Variants in ATF6B observed in about 807,000 individuals in gnomAD.
ATF6B encodes the protein cyclic AMP-dependent transcription factor ATF-6 beta.
In ATF6B, 50 loss-of-function variants were observed where a neutral mutation model predicts 83.5. That is an observed-to-expected ratio of 0.60 (90% confidence interval 0.48 to 0.76). The LOEUF (loss-of-function observed/expected upper bound fraction) is 0.76, where lower values mean the gene tolerates loss of function less well. Ranked by LOEUF, ATF6B falls within the 30% of genes least tolerant of loss-of-function variation. The probability of loss-of-function intolerance (pLI) is 0.00; values close to 1 mark genes in which losing one functional copy is unlikely to be tolerated. For synonymous variants in ATF6B, 344 were observed against 362.8 expected (o/e 0.95, Z 0.59); for missense variants, 790 against 893.8 (o/e 0.88, Z 1.48).
rs1392801817 is a variant in ATF6B, at chr6:32,117,153, G to A, written c.1615-46C>T. 6.2e-7 allele frequency: 1 copy of A among 1,600,262 alleles called. No homozygotes were observed. Among genetic ancestry groups the A allele is most frequent in the Non-Finnish European group, 8.6e-7 (1 of 1,168,212 alleles). On this transcript the variant is annotated intron_variant, in intron 14 of 17. Transcript: ENST00000375203. The surrounding 1 kb of genome is among the most constrained non-coding windows in gnomAD (Gnocchi z 5.0). ...GGACTTGGAGAGGGTGAAGGGAAAA[G>A]GGAAAGAGACAAACAGCCCCTGGAA...
chr6:32,125,976 G>T lies in ATF6B; in HGVS notation c.478+141C>A. ...TCCTCTCCTTCCTGCCTTCCCTCCT[G>T]GTTTTCTGCCATTTCCCCTCCCCAC... On this transcript the variant is annotated intron_variant, in intron 5 of 17. Transcript: ENST00000375203. This position sits in a 1 kb window ranked among gnomAD's most constrained non-coding sequence, Gnocchi z 4.1. 2 of 1,265,644 alleles carry T rather than the reference G, an allele frequency of 1.6e-6. No homozygotes were observed. The highest frequency in any genetic ancestry group is 2.2e-6 in the Non-Finnish European group (2 of 918,956). The allele number at this position is 1,265,644 out of a possible 1,614,324, so 78.4% of individuals were successfully genotyped here.
chr6:32,121,208 A>G (rs1342980076), intron 6 of ATF6B, 55 bp downstream of exon 6: 1 of 1,610,106 alleles, frequency 6.2e-7, no homozygotes, highest in African/African-American at 1.3e-5. Context: ...TCATACCTCT[A>G]GGTCAGGAGG....
chr6:32,122,600 G>A (rs1329194222), intron 5 of ATF6B, among the ~76,000 whole-genome samples: 2 of 151,978 alleles, frequency 1.3e-5, no homozygotes, highest in African/African-American at 4.8e-5. Flanking sequence ...TGTAATCCCA[G>A]CACTTTGGGA....
At position 32,117,155 on chromosome 6, in the gene ATF6B, G is replaced by GAA. The variant is rs761451368; in HGVS notation, c.1615-50_1615-49dup. The GAA allele has an allele frequency of 8.8e-6, 14 of 1,598,956 alleles. No homozygotes were observed. The African/African-American group carries it at 1.9e-4, about 21-fold the overall frequency. ...ACTTGGAGAGGGTGAAGGGAAAAGG[G>GAA]AAAGAGACAAACAGCCCCTGGAAGC... is the stretch of plus-strand genomic sequence containing the variant. On this transcript the variant is annotated intron_variant, in intron 14 of 17. Transcript: ENST00000375203. This position sits in a 1 kb window ranked among gnomAD's most constrained non-coding sequence, Gnocchi z 5.0.
In ATF6B at chr6:32,127,087, G is replaced by A; in HGVS notation, c.342+16C>T. The A allele has an allele frequency of 1.9e-6, 3 of 1,566,228 alleles. No individual in the cohort carries two copies. The highest frequency in any genetic ancestry group is 1.3e-5 in the African/African-American group (1 of 74,076). ...AGTCCCCGTCACAGAGAGTAAGAGGGATATGGCTCTCTCACCTCGCTGGAT... is the reference window on the plus strand; with the variant it reads ...AGTCCCCGTCACAGAGAGTAAGAGGAATATGGCTCTCTCACCTCGCTGGAT... On this transcript the variant is annotated intron_variant, in intron 4 of 17. Transcript: ENST00000375203.
rs772391185 is a variant in ATF6B, at chr6:32,116,662, G to A, written c.1797+42C>T. 5 of 1,608,906 alleles carry A rather than the reference G, an allele frequency of 3.1e-6. No homozygotes were observed. Among genetic ancestry groups the A allele is most frequent in the Admixed American group, 1.7e-5 (1 of 60,002 alleles). On this transcript the variant is annotated intron_variant, in intron 16 of 17. Coordinates refer to ENST00000375203, the MANE Select transcript of ATF6B (RefSeq NM_004381.5). The surrounding 1 kb of genome is among the most constrained non-coding windows in gnomAD (Gnocchi z 5.1). ...TCCCCCCACTGAAGACAGACTGCTG[G>A]GAACCTGGGGTGACAGAGATGGAAG... is the stretch of plus-strand genomic sequence containing the variant.
rs1781953108 is a variant in ATF6B at position 32,125,921 on chromosome 6, A to T, written c.478+196T>A. ...GAAAAATAATATCCATCTCCTCAGC[A>T]CTGCCCTTGCTGTGGTTCCCTGAAA... On this transcript the variant is annotated intron_variant, in intron 5 of 17. Transcript: ENST00000375203. This position sits in a 1 kb window ranked among gnomAD's most constrained non-coding sequence, Gnocchi z 4.1. The T allele has an allele frequency of 3.0e-6, 2 of 668,888 alleles. No homozygotes were observed. Among genetic ancestry groups the T allele is most frequent in the Non-Finnish European group, 4.9e-6 (2 of 404,986 alleles). 41.4% of individuals were successfully genotyped at this position (668,888 alleles called of 1,614,324 possible). A position where few individuals can be genotyped will look rare whatever the true frequency, so the allele number is the denominator to read the frequency against.
Position 32,117,237 on chromosome 6 carries a change from C to T in ATF6B, c.1614+86G>A. The T allele has an allele frequency of 6.4e-7, 1 of 1,550,878 alleles. No homozygotes were observed. Among genetic ancestry groups the T allele is most frequent in the Middle Eastern group, 1.7e-4 (1 of 5,824 alleles). The stretch of plus-strand genomic sequence containing the variant: ...CTTCAAACGATCCCTCAAACTTCCA[C>T]AGCGAGATGCCCACTAGAAATCCCC... On this transcript the variant is annotated intron_variant, in intron 14 of 17. Transcript: ENST00000375203. This position sits in a 1 kb window ranked among gnomAD's most constrained non-coding sequence, Gnocchi z 5.0.
In ATF6B at chr6:32,117,556, G is replaced by A; in HGVS notation, c.1532+31C>T. 6.2e-7 allele frequency: 1 copy of A among 1,607,874 alleles called. No individual in the cohort carries two copies. The highest frequency in any genetic ancestry group is 8.5e-7 in the Non-Finnish European group (1 of 1,175,434). On this transcript the variant is annotated intron_variant, in intron 13 of 17. Coordinates refer to ENST00000375203, the MANE Select transcript of ATF6B (RefSeq NM_004381.5). The surrounding 1 kb of genome is among the most constrained non-coding windows in gnomAD (Gnocchi z 5.0). ...TGCAGAAGGCCTTGGGAGGCCGGGG[G>A]AGCTGGATGCCCCAGCAATGAATCC...
At chr6:32,126,391 G>T in intron 4 of ATF6B, 139 bp from the exon 5 acceptor site, 1 of 1,021,954 alleles carries the variant, frequency 9.8e-7, no homozygotes, top group Non-Finnish European at 1.4e-6. Flanking sequence ...TGGTCTGAAT[G>T]GTACTGACCA....
intron 7 of ATF6B, 39 bp downstream of exon 7, chr6:32,120,950 C>T: frequency 6.6e-7 from 1 of 1,520,000 alleles, no homozygotes; most frequent in East Asian, 2.3e-5. Context: ...GACCAAAGGC[C>T]TCTCACTAGG....
Position 32,115,987 on chromosome 6 carries a change from T to G in ATF6B, c.1883-19A>C, listed in dbSNP as rs769868758. 1.3e-6 allele frequency: 2 copies of G among 1,596,002 alleles called. No homozygotes were observed. Among genetic ancestry groups the G allele is most frequent in the Non-Finnish European group, 1.7e-6 (2 of 1,166,292 alleles). On this transcript the variant is annotated intron_variant, in intron 17 of 17. Transcript: ENST00000375203. ...AGGGTCTCTGTGAGAAGGGGAGAGTTAAGGAAGAGGAGATGGGGAGGCAAA... is the reference window on the plus strand; with the variant it reads ...AGGGTCTCTGTGAGAAGGGGAGAGTGAAGGAAGAGGAGATGGGGAGGCAAA...
chr6:32,123,599 C>T (rs971652291), intron 5 of ATF6B, among the ~76,000 whole-genome samples: 17 of 152,162 alleles, frequency 1.1e-4, no homozygotes, highest in African/African-American at 3.9e-4. Flanking sequence ...TGTGTTAGCC[C>T]GAATGGTCTT....
In ATF6B at chr6:32,117,715, G is replaced by T; in HGVS notation, c.1425-21C>A. Reference sequence around the variant, plus strand: ...GGTTGCTGGAGTGAAGCAGGAAGGAGACAACACTTGGAGACTGCCCAGCAC... The same window carrying T: ...GGTTGCTGGAGTGAAGCAGGAAGGATACAACACTTGGAGACTGCCCAGCAC... On this transcript the variant is annotated intron_variant, in intron 12 of 17. Coordinates refer to ENST00000375203, the MANE Select transcript of ATF6B (RefSeq NM_004381.5). This position sits in a 1 kb window ranked among gnomAD's most constrained non-coding sequence, Gnocchi z 5.0. The T allele has an allele frequency of 1.1e-5, 17 of 1,610,374 alleles. No individual in the cohort carries two copies. The highest frequency in any genetic ancestry group is 1.4e-5 in the Non-Finnish European group (17 of 1,177,662).
chr6:32,121,707 A>C (rs1781775348), intron 5 of ATF6B, among the ~76,000 whole-genome samples: 1 of 152,180 alleles, frequency 6.6e-6, no homozygotes. Flanking sequence ...ATCTCAAAAA[A>C]ATAAAAAAGA....
Position 32,119,191 on chromosome 6 carries a change from A to G in ATF6B, c.967-50T>C, listed in dbSNP as rs779288120. On this transcript the variant is annotated intron_variant, in intron 9 of 17. Transcript: ENST00000375203. The surrounding 1 kb of genome is among the most constrained non-coding windows in gnomAD (Gnocchi z 4.9). ...GAATGACAGATGAGTTGGCAGAAGG[A>G]GACTATGCTCTCAAACCCCAAGGAA... 1 of 1,553,098 alleles carries G rather than the reference A, an allele frequency of 6.4e-7. No homozygotes were observed. The highest frequency in any genetic ancestry group is 8.7e-7 in the Non-Finnish European group (1 of 1,153,528).
chr6:32,115,521 C>T lies in ATF6B; in HGVS notation c.*218G>A. 1 of 451,622 alleles carries T rather than the reference C, an allele frequency of 2.2e-6. No homozygotes were observed. The highest frequency in any genetic ancestry group is 3.3e-5 in the East Asian group (1 of 29,900). 28.0% of individuals were successfully genotyped at this position (451,622 alleles called of 1,614,324 possible). On this transcript the variant is annotated 3_prime_UTR_variant, in exon 18 of 18. Coordinates refer to ENST00000375203, the MANE Select transcript of ATF6B (RefSeq NM_004381.5). ...CACACAATCCCCTCAAACAAAGAAG[C>T]CAGGACTGGGGGTTCACAGGAATGA...
chr6:32,121,151 T>C, intron 6 of ATF6B, 27 bp from the exon 7 acceptor site: 1 of 1,605,196 alleles, frequency 6.2e-7, no homozygotes. Context: ...AGAGATACAT[T>C]AGTCAGGAAG....
chr6:32,122,806 G>A (rs1483459787), intron 5 of ATF6B, among the ~76,000 whole-genome samples: 2 of 143,430 alleles, frequency 1.4e-5, no homozygotes, highest in African/African-American at 2.6e-5. Context: ...CCGAGATTGC[G>A]CCACTGCACT....
Sources: allele counts gnomAD v4.1 joint callset (sites outside exome capture counted in the v4.1 genomes callset), GRCh38; gene constraint gnomAD v4.1.1; non-coding constraint Gnocchi (gnomAD v3.1); transcripts MANE v1.5; gene names NCBI Gene and HGNC (gene_info 2026-07-23, HGNC 2026-07-21).